CCDC102B: variants seen among roughly 807,000 people sequenced by gnomAD.
CCDC102B encodes the protein coiled-coil domain-containing protein 102B.
A neutral mutation model predicts 57.4 loss-of-function variants in CCDC102B; 75 were observed. That is an observed-to-expected ratio of 1.31 (90% CI 1.08 to 1.58). CCDC102B has a LOEUF of 1.58. Ranked by LOEUF, CCDC102B falls within the 40% of genes most tolerant of loss-of-function variation. The probability of loss-of-function intolerance (pLI) is 0.00; values close to 1 mark genes in which losing one functional copy is unlikely to be tolerated. For synonymous variants in CCDC102B, 206 were observed against 201.9 expected (o/e 1.02, Z -0.17); for missense variants, 636 against 582.6 (o/e 1.09, Z -0.94).
chr18:68,753,870 C>G (rs996873843), intron 2 of CCDC102B: 5 of 152,044 alleles, frequency 3.3e-5, no homozygotes, highest in Non-Finnish European at 7.4e-5. Flanking sequence ...CCAGTATTAT[C>G]TTTTTATGTG....
intron 6 of CCDC102B, among the ~76,000 whole-genome samples, chr18:68,905,887 G>A (rs2040620223): frequency 7.3e-6 from 1 of 136,064 alleles, no homozygotes; most frequent in African/African-American, 2.8e-5. Context: ...TCCGCCTCCC[G>A]GGTTCACGCC....
chr18:68,998,987 TATATATATATATAGAGAGAGAGAG>T (rs757911788), intron 6 of CCDC102B, among the ~76,000 whole-genome samples: 46 of 80,884 alleles, frequency 5.7e-4, no homozygotes, highest in Admixed American at 2.2e-3. Context: ...TATATATATA[TATATATATATATAGAGAGAGAGAG>T]AGAGAGAGAG....
intron 4 of CCDC102B, among the ~76,000 whole-genome samples, chr18:68,869,880 A>T (rs1360315324): frequency 1.3e-5 from 2 of 151,940 alleles, no homozygotes; most frequent in Non-Finnish European, 2.9e-5. Flanking sequence ...TCTTTAATCC[A>T]TCTTGAGCTA....
intron 6 of CCDC102B, among the ~76,000 whole-genome samples, chr18:68,991,104 A>G (rs919566841): frequency 7.1e-6 from 1 of 140,146 alleles, no homozygotes; most frequent in South Asian, 2.2e-4. Flanking sequence ...CCCTGTTGTC[A>G]CCTATATTGG....
intron 7 of CCDC102B, among the ~76,000 whole-genome samples, chr18:69,053,263 CT>C (rs1184347774): frequency 2.0e-5 from 3 of 151,088 alleles, no homozygotes; most frequent in African/African-American, 7.3e-5. Context: ...CATGAAATAC[CT>C]TTTTTAATTA....
intron 2 of CCDC102B, among the ~76,000 whole-genome samples, chr18:68,745,486 A>C (rs901730856): frequency 2.6e-5 from 4 of 152,108 alleles, no homozygotes; most frequent in African/African-American, 9.7e-5. Flanking sequence ...ATAATTGTAC[A>C]TATTTATGAG....
At chr18:68,805,600 T>C (rs938042340) in intron 1 of CCDC102B, among the ~76,000 whole-genome samples, 2 of 151,982 alleles carry the variant, frequency 1.3e-5, no homozygotes, top group African/African-American at 4.8e-5. Context: ...CAGGAGGCCA[T>C]AGCTAGGTCA....
rs535737720 is a variant in CCDC102B, at chr18:68,781,762, T to C, written c.-66-41604T>C. On this transcript the variant is annotated intron_variant, in intron 2 of 3. Transcript: ENST00000578970. ...TTGGCTTGTATAATGATTTGTGGAA[T>C]AAATAGAAGACAGAAAGATTGGGTT... Among the ~76,000 whole-genome samples, 17 of 152,296 alleles carry C rather than the reference T, an allele frequency of 1.1e-4. No homozygotes were observed. The South Asian group carries it at 3.3e-3, about 30-fold the overall frequency.
chr18:68,929,994 C>A (rs1404708810), intron 6 of CCDC102B, among the ~76,000 whole-genome samples: 3 of 151,618 alleles, frequency 2.0e-5, no homozygotes, highest in Non-Finnish European at 2.9e-5. Flanking sequence ...GCCTTGTCAT[C>A]TACACTAGCT....
chr18:68,715,355 G>C (rs1272134713), exon 1 of CCDC102B: 1 of 716,688 alleles, frequency 1.4e-6, no homozygotes, highest in East Asian at 9.5e-5. Context: ...GTTATGCTGA[G>C]GGTGAGGTAG....
chr18:69,029,432 G>C (rs1309476972), intron 7 of CCDC102B, among the ~76,000 whole-genome samples: 2 of 152,142 alleles, frequency 1.3e-5, no homozygotes, highest in Non-Finnish European at 2.9e-5. Flanking sequence ...TCTGCATCAG[G>C]TTGGAGGATG....
At chr18:68,837,470 G>T in intron 2 of CCDC102B, 101 bp downstream of exon 2, 7 of 1,110,330 alleles carry the variant, frequency 6.3e-6, no homozygotes, top group Admixed American at 2.3e-5. Context: ...ATACTAGCCT[G>T]CCAGGGCTAC....
intron 2 of CCDC102B, among the ~76,000 whole-genome samples, chr18:68,778,455 C>T (rs1413289970): frequency 6.6e-6 from 1 of 151,950 alleles, no homozygotes; most frequent in Non-Finnish European, 1.5e-5. Context: ...GTGAGATGTA[C>T]CCGGTTTTAG....
chr18:68,920,581 C>CA (rs2041242954), intron 6 of CCDC102B, among the ~76,000 whole-genome samples: 1 of 151,886 alleles, frequency 6.6e-6, no homozygotes, highest in South Asian at 2.1e-4. Context: ...GCACTTCTCA[C>CA]ACTGCTATGA....
chr18:68,948,278 TA>T (rs2049595708), intron 6 of CCDC102B, among the ~76,000 whole-genome samples: 1 of 152,122 alleles, frequency 6.6e-6, no homozygotes, highest in Non-Finnish European at 1.5e-5. Flanking sequence ...CTGTGACTTT[TA>T]TTTTTCTTTT....
At chr18:68,834,578 A>G (rs1461370941) in intron 1 of CCDC102B, among the ~76,000 whole-genome samples, 7 of 151,214 alleles carry the variant, frequency 4.6e-5, no homozygotes, top group Non-Finnish European at 8.9e-5. Flanking sequence ...AAACACTCCA[A>G]ATCAGCAATA....
At chr18:68,818,909 T>C (rs2036592015) in intron 1 of CCDC102B, among the ~76,000 whole-genome samples, 1 of 152,128 alleles carries the variant, frequency 6.6e-6, no homozygotes, top group Non-Finnish European at 1.5e-5. Context: ...ATTGCCGGTG[T>C]GCATATTGTC....
At chr18:68,742,424 A>G (rs2033431689) in intron 2 of CCDC102B, among the ~76,000 whole-genome samples, 1 of 152,244 alleles carries the variant, frequency 6.6e-6, no homozygotes. Context: ...ATAAAGTCAC[A>G]TTGACACATA....
At chr18:68,946,991 G>T (rs1886355684) in intron 6 of CCDC102B, among the ~76,000 whole-genome samples, 3 of 152,038 alleles carry the variant, frequency 2.0e-5, no homozygotes, top group Admixed American at 2.0e-4. Flanking sequence ...TATTCTGTGG[G>T]AAATGGAGAT....
Sources: gnomAD v4.1 joint callset for allele counts (sites outside exome capture counted in the v4.1 genomes callset) on GRCh38, gnomAD v4.1.1 for gene constraint, MANE v1.5 for transcripts, NCBI Gene and HGNC (gene_info 2026-07-23, HGNC 2026-07-21) for gene names.